Variants in WDR7 observed in about 807,000 individuals in gnomAD.
WDR7 encodes the protein WD repeat-containing protein 7.
A neutral mutation model predicts 169.4 loss-of-function variants in WDR7; 46 were observed. The ratio of observed to expected loss-of-function variants is 0.27; its 90% CI spans 0.21 to 0.35. The LOEUF (loss-of-function observed/expected upper bound fraction) is 0.35. WDR7 is among the 10% of genes least tolerant of loss of function. WDR7 has a pLI of 1.00. For synonymous variants in WDR7, 612 were observed against 666.8 expected (o/e 0.92, Z 1.27); for missense variants, 1,534 against 1,859.3 (o/e 0.83, Z 3.22).
intron 21 of WDR7, among the ~76,000 whole-genome samples, chr18:56,898,514 C>T (rs759591491): frequency 2.0e-5 from 3 of 152,000 alleles, no homozygotes; most frequent in East Asian, 3.9e-4. Context: ...TGAAGGGTAG[C>T]GTTGTCAGTA....
Position 56,939,335 on chromosome 18 carries a change from C to A in WDR7, c.4006C>A (p.Leu1336Ile). The A allele has an allele frequency of 1.3e-6, 2 of 1,582,128 alleles. No individual in the cohort carries two copies. Among genetic ancestry groups the A allele is most frequent in the South Asian group, 1.2e-5 (1 of 84,112 alleles). Reference protein sequence around the residue: ...VEVMDIIMYCLEGSLVKKKGL... With the variant: ...VEVMDIIMYCIEGSLVKKKGL... ...GGTTATGGACATCATTATGTACTGCCTTGAAGGATCTTTAGTTAAAAAGAA... is the reference window on the plus strand; with the variant it reads ...GGTTATGGACATCATTATGTACTGCATTGAAGGATCTTTAGTTAAAAAGAA... Residue 1336 changes from leucine to isoleucine, a missense_variant, in exon 25 of 28, where the codon CTT becomes ATT. Physicochemically the swap from Leu to Ile is conservative, Grantham distance 5. Transcript: ENST00000254442.
At chr18:56,708,471 G>C (rs754647867) in intron 12 of WDR7, among the ~76,000 whole-genome samples, 1 of 152,188 alleles carries the variant, frequency 6.6e-6, no homozygotes, top group Non-Finnish European at 1.5e-5. Flanking sequence ...TAGAAGGGCA[G>C]GACCAACAGA....
chr18:56,707,050 C>T (rs1251975182), intron 12 of WDR7, among the ~76,000 whole-genome samples: 1 of 151,456 alleles, frequency 6.6e-6, no homozygotes, highest in Admixed American at 6.6e-5. Context: ...GGTGTGATCT[C>T]AGTTCACTGC....
chr18:56,685,324 G>A (rs1005051600), intron 5 of WDR7, among the ~76,000 whole-genome samples: 7 of 152,124 alleles, frequency 4.6e-5, no homozygotes, highest in African/African-American at 1.4e-4. Flanking sequence ...GTTATCTAAA[G>A]TTCATTGGTT....
chr18:56,843,252 G>A (rs1339289110), intron 20 of WDR7, among the ~76,000 whole-genome samples: 2 of 152,076 alleles, frequency 1.3e-5, no homozygotes, highest in Non-Finnish European at 2.9e-5. Flanking sequence ...TTATTTTTAA[G>A]TGGCCAAATC....
At chr18:56,823,141 C>G (rs541891556) in intron 20 of WDR7, among the ~76,000 whole-genome samples, 9 of 152,272 alleles carry the variant, frequency 5.9e-5, no homozygotes, top group Admixed American at 4.6e-4. Context: ...GGGTGATTTA[C>G]TTTTTCTGTT....
chr18:56,967,548 C>T (rs899192149), intron 26 of WDR7, among the ~76,000 whole-genome samples: 7 of 152,124 alleles, frequency 4.6e-5, no homozygotes, highest in Admixed American at 1.3e-4. Context: ...AAAATCTTCC[C>T]TCTATCAATA....
intron 12 of WDR7, among the ~76,000 whole-genome samples, chr18:56,709,215 A>G (rs935146001): frequency 1.3e-5 from 2 of 152,188 alleles, no homozygotes; most frequent in African/African-American, 4.8e-5. Flanking sequence ...TGTGAGTGAT[A>G]CTGATGATTA....
At chr18:56,924,996 A>G (rs1459334956) in intron 22 of WDR7, among the ~76,000 whole-genome samples, 1 of 152,170 alleles carries the variant, frequency 6.6e-6, no homozygotes, top group Non-Finnish European at 1.5e-5. Flanking sequence ...GAATTTGCCT[A>G]TTCTGCATAT....
chr18:56,797,782 C>T (rs1005549983), intron 19 of WDR7, among the ~76,000 whole-genome samples: 2 of 152,058 alleles, frequency 1.3e-5, no homozygotes, highest in South Asian at 2.1e-4. Context: ...AAAACTTAAA[C>T]GTAACATTAA....
intron 26 of WDR7, among the ~76,000 whole-genome samples, chr18:56,962,938 C>G (rs1018563826): frequency 1.3e-5 from 2 of 152,084 alleles, no homozygotes; most frequent in Non-Finnish European, 2.9e-5. Flanking sequence ...AGACAGTGAT[C>G]TAGTCAGAGT....
intron 21 of WDR7, among the ~76,000 whole-genome samples, chr18:56,915,105 A>G (rs1293191813): frequency 6.6e-6 from 1 of 152,198 alleles, no homozygotes; most frequent in East Asian, 1.9e-4. Flanking sequence ...GAAATGACTT[A>G]TTTTTATGCA....
intron 26 of WDR7, chr18:57,009,972 T>G: frequency 1.0e-6 from 1 of 985,452 alleles, no homozygotes; most frequent in Non-Finnish European, 1.2e-6. Flanking sequence ...AGTCCCATCA[T>G]GACGGACATT....
Position 56,949,994 on chromosome 18 carries a change from C to G in WDR7, c.4064+10601C>G, listed in dbSNP as rs529944085. Among the ~76,000 whole-genome samples, 18 of 152,222 alleles carry G rather than the reference C, an allele frequency of 1.2e-4. No individual in the cohort carries two copies. The East Asian group carries it at 3.5e-3, about 29-fold the overall frequency. ...GCAATAAATCTTGTCAGTTGTTTTCCTGGAAAGGCTTAACTTTGTTCATAT... is the reference window on the plus strand; with the variant it reads ...GCAATAAATCTTGTCAGTTGTTTTCGTGGAAAGGCTTAACTTTGTTCATAT... On this transcript the variant is annotated intron_variant, in intron 25 of 27. Transcript: ENST00000254442.
intron 16 of WDR7, among the ~76,000 whole-genome samples, chr18:56,765,693 T>C (rs567454170): frequency 1.3e-5 from 2 of 152,196 alleles, no homozygotes; most frequent in Non-Finnish European, 2.9e-5. Context: ...CCTTTTTTGG[T>C]ATTCTACATT....
At chr18:57,032,804 TATA>T (rs2048448505), downstream of WDR7, 8 of 11,074 alleles carry the variant, frequency 7.2e-4, no homozygotes, top group East Asian at 0.012. Flanking sequence ...AATTATTTTA[TATA>T]TATATATATA....
chr18:56,754,392 C>CGT (rs1491132874), intron 14 of WDR7, among the ~76,000 whole-genome samples: 3 of 146,034 alleles, frequency 2.1e-5, no homozygotes, highest in African/African-American at 7.7e-5. Flanking sequence ...TGTATATATA[C>CGT]GTGTATATAT....
In WDR7 at chr18:57,027,376, G is replaced by A. The variant is rs1445618906; in HGVS notation, c.*169G>A. On this transcript the variant is annotated 3_prime_UTR_variant, in exon 28 of 28. Coordinates refer to ENST00000254442, the MANE Select transcript of WDR7 (RefSeq NM_015285.3). Reference sequence around the variant, plus strand: ...TGCATGCTTCTCAGGGGCAGAACCCGCTCGTGCCATCTGTCGATTCAGAGG... The same window carrying A: ...TGCATGCTTCTCAGGGGCAGAACCCACTCGTGCCATCTGTCGATTCAGAGG... 2 of 776,758 alleles carry A rather than the reference G, an allele frequency of 2.6e-6. No homozygotes were observed. Among genetic ancestry groups the A allele is most frequent in the Non-Finnish European group, 4.0e-6 (2 of 496,612 alleles). The allele number at this position is 776,758 out of a possible 1,614,324, so 48.1% of individuals were successfully genotyped here.
At chr18:56,801,322 T>C (rs556713262) in intron 19 of WDR7, among the ~76,000 whole-genome samples, 1 of 152,344 alleles carries the variant, frequency 6.6e-6, no homozygotes, top group East Asian at 1.9e-4. Context: ...TTTTTTGGCC[T>C]GTTTTCCAAA....
Sources: allele counts gnomAD v4.1 joint callset (sites outside exome capture counted in the v4.1 genomes callset), GRCh38; gene constraint gnomAD v4.1.1; transcripts MANE v1.5; gene names NCBI Gene and HGNC (gene_info 2026-07-23, HGNC 2026-07-21).